Variants in UNC13C observed in about 807,000 individuals in gnomAD.
UNC13C encodes the protein protein unc-13 homolog C.
UNC13C carries 174 observed loss-of-function variants against 245.4 expected under a neutral mutation model. The ratio of observed to expected loss-of-function variants is 0.71; its 90% CI spans 0.63 to 0.80. The LOEUF is 0.80. Ranked by LOEUF, UNC13C falls within the 30% of genes least tolerant of loss-of-function variation. The pLI is 0.00. For synonymous variants in UNC13C, 992 were observed against 895.1 expected (o/e 1.11, Z -1.93); for missense variants, 2,829 against 2,602.9 (o/e 1.09, Z -1.89).
chr15:54,163,323 TCTC>T (rs549082807), intron 4 of UNC13C, among the ~76,000 whole-genome samples: 5 of 152,008 alleles, frequency 3.3e-5, no homozygotes, highest in South Asian at 2.1e-4. Context: ...GGAAAAAAAA[TCTC>T]CTACAAAGCT....
At chr15:54,261,287 A>C (rs556496874) in intron 8 of UNC13C, among the ~76,000 whole-genome samples, 1 of 152,360 alleles carries the variant, frequency 6.6e-6, no homozygotes, top group South Asian at 2.1e-4. Context: ...ATAAACAAAT[A>C]AGCCTGAAGA....
the UNC13C span, among the ~76,000 whole-genome samples, chr15:53,883,133 G>T: frequency 6.6e-6 from 1 of 152,054 alleles, no homozygotes; most frequent in Non-Finnish European, 1.5e-5. Context: ...AACTCTGTAG[G>T]AAAAGATTTA....
At chr15:54,107,229 A>G (rs927471963) in intron 2 of UNC13C, among the ~76,000 whole-genome samples, 6 of 152,156 alleles carry the variant, frequency 3.9e-5, no homozygotes, top group Non-Finnish European at 8.8e-5. Flanking sequence ...TTTAATTTTT[A>G]ATACACCAAT....
chr15:54,631,815 G>C (rs1025181577), downstream of UNC13C: 1 of 152,090 alleles, frequency 6.6e-6, no homozygotes, highest in African/African-American at 2.4e-5. Flanking sequence ...ACAGGATTTT[G>C]TGTATACTTG....
chr15:54,309,142 T>G (rs892049157), intron 13 of UNC13C, among the ~76,000 whole-genome samples: 1 of 151,914 alleles, frequency 6.6e-6, no homozygotes, highest in Non-Finnish European at 1.5e-5. Context: ...AGATTCTGTT[T>G]GCTCCACCTC....
chr15:53,901,210 A>G, the UNC13C span, among the ~76,000 whole-genome samples: 5 of 141,936 alleles, frequency 3.5e-5, no homozygotes, highest in Admixed American at 3.9e-4. Context: ...TAATGTCTTC[A>G]TAGATTTCTT....
At position 54,627,415 on chromosome 15, in the gene UNC13C, T is replaced by TTGAG. The variant is rs1174258611; in HGVS notation, c.*304_*307dup. On this transcript the variant is annotated 3_prime_UTR_variant, in exon 33 of 33. Transcript: ENST00000260323. ...AACATAATTTTTAAAAACTAGTCTT[T>TTGAG]TGAGTTTGCCCATCAGTTGTCTTTG... The TTGAG allele has an allele frequency of 3.8e-5, 8 of 210,600 alleles. No individual in the cohort carries two copies. In the South Asian group the frequency reaches 7.9e-4, roughly 21 times the overall value. The allele number at this position is 210,600 out of a possible 1,614,324, so 13.0% of individuals were successfully genotyped here. A position where few individuals can be genotyped will look rare whatever the true frequency, so the allele number is the denominator to read the frequency against.
chr15:54,219,499 G>T (rs1020936553), intron 4 of UNC13C, among the ~76,000 whole-genome samples: 2 of 150,398 alleles, frequency 1.3e-5, no homozygotes, highest in African/African-American at 4.9e-5. Flanking sequence ...AAAAACCCTA[G>T]AAGCAAACCT....
chr15:54,312,700 T>G lies in UNC13C; in HGVS notation c.4269-9239T>G, dbSNP rs146951442. ...AAGGTGTGGGAAAGGAGAAACAGCT[T>G]TACTGCCTGGGGAGTCCATTAGCAT... On this transcript the variant is annotated intron_variant, in intron 13 of 32. Transcript: ENST00000260323. 4.1e-4 allele frequency among the ~76,000 whole-genome samples: 63 copies of G among 151,834 alleles called. 2 individuals carry two copies. In the East Asian group the frequency reaches 6.8e-3, roughly 16 times the overall value.
rs755097404 is a variant in UNC13C at position 54,143,636 on chromosome 15, G to T, written c.3023G>T (p.Gly1008Val). ...TCATTTAAGGCTCGAATAGTAAGTG[G>T]CAATGATTTGGATGCTTCCAAATTT... Reference protein sequence around the residue: ...SVDEKARIVSGNDLDASKFSA... With the variant: ...SVDEKARIVSVNDLDASKFSA... Residue 1008 changes from glycine (G) to valine (V), a missense_variant, in exon 4 of 33, where the codon GGC becomes GTC. Gly to Val is a moderately radical substitution (Grantham distance 109). Coordinates refer to ENST00000260323, the MANE Select transcript of UNC13C (RefSeq NM_001080534.3). 4.3e-6 allele frequency: 7 copies of T among 1,613,038 alleles called. No individual in the cohort carries two copies. In the African/African-American group the frequency reaches 9.3e-5, roughly 22 times the overall value.
intron 18 of UNC13C, 129 bp from the exon 19 acceptor site, chr15:54,414,853 A>G (rs1327746579): frequency 3.8e-6 from 2 of 524,584 alleles, no homozygotes; most frequent in Non-Finnish European, 6.5e-6. Context: ...GTTCATAAAG[A>G]GAAATGTCAT....
At chr15:53,864,699 C>G in the UNC13C span, among the ~76,000 whole-genome samples, 3 of 152,112 alleles carry the variant, frequency 2.0e-5, no homozygotes, top group Non-Finnish European at 4.4e-5. Context: ...ATCGTAGATA[C>G]AGATGTCCCT....
chr15:54,103,990 G>C (rs574489410), intron 2 of UNC13C, among the ~76,000 whole-genome samples: 1 of 152,174 alleles, frequency 6.6e-6, no homozygotes, highest in Non-Finnish European at 1.5e-5. Flanking sequence ...TGATCTGCCC[G>C]CCTCGGCCTC....
At chr15:54,074,019 A>G (rs1566992138) in intron 2 of UNC13C, among the ~76,000 whole-genome samples, 1 of 152,154 alleles carries the variant, frequency 6.6e-6, no homozygotes, top group African/African-American at 2.4e-5. Context: ...TAGTTGTTAC[A>G]TTTAAGTCTT....
chr15:53,910,255 A>T, the UNC13C span, among the ~76,000 whole-genome samples: 2 of 144,406 alleles, frequency 1.4e-5, no homozygotes, highest in African/African-American at 4.9e-5. Context: ...TTGTCACTTA[A>T]CCCCCAGGAG....
rs149496748 is a variant in UNC13C, at chr15:54,302,772, A to G, written c.4268+2399A>G. 3.4e-3 allele frequency among the ~76,000 whole-genome samples: 518 copies of G among 152,178 alleles called. 2 individuals are homozygous for G. The highest frequency in any genetic ancestry group is 5.8e-3 in the Non-Finnish European group (391 of 67,998). ...TATGCTGGCTCTTTTTTTATTCCATATGAAATTTAAAGTAGTGTTTTTCTA... is the reference window on the plus strand; with the variant it reads ...TATGCTGGCTCTTTTTTTATTCCATGTGAAATTTAAAGTAGTGTTTTTCTA... On this transcript the variant is annotated intron_variant, in intron 13 of 32. Coordinates refer to ENST00000260323, the MANE Select transcript of UNC13C (RefSeq NM_001080534.3).
At chr15:54,449,143 C>T (rs1298933105) in intron 19 of UNC13C, among the ~76,000 whole-genome samples, 7 of 152,322 alleles carry the variant, frequency 4.6e-5, no homozygotes, top group African/African-American at 1.7e-4. Flanking sequence ...CCGAGAGATC[C>T]ACTGTTAGTC....
chr15:53,947,077 T>G, the UNC13C span, among the ~76,000 whole-genome samples: 1 of 152,194 alleles, frequency 6.6e-6, no homozygotes, highest in African/African-American at 2.4e-5. Context: ...TTCCCAATAT[T>G]TCCAAATATA....
At chr15:54,401,424 G>A (rs963420504) in intron 18 of UNC13C, among the ~76,000 whole-genome samples, 4 of 152,174 alleles carry the variant, frequency 2.6e-5, no homozygotes, top group South Asian at 4.1e-4. Flanking sequence ...CCTTGTTGAC[G>A]CAGCCTTATG....
Sources: allele counts gnomAD v4.1 joint callset (sites outside exome capture counted in the v4.1 genomes callset), GRCh38; gene constraint gnomAD v4.1.1; transcripts MANE v1.5; gene names NCBI Gene and HGNC (gene_info 2026-07-23, HGNC 2026-07-21).